TRNAU1AP: variants seen among roughly 807,000 people sequenced by gnomAD.
TRNAU1AP encodes tRNA selenocysteine 1 associated protein 1, also known as tRNA selenocysteine 1-associated protein 1.
A neutral mutation model predicts 43.3 loss-of-function variants in TRNAU1AP; 33 were observed. The ratio of observed to expected loss-of-function variants is 0.76; its 90% CI spans 0.58 to 1.02. The LOEUF (loss-of-function observed/expected upper bound fraction) is 1.02. Ranked by LOEUF, TRNAU1AP falls within the 50% of genes least tolerant of loss-of-function variation. TRNAU1AP has a pLI of 0.00. For missense variants in TRNAU1AP, 290 were observed against 362.7 expected (o/e 0.80, Z 1.63); for synonymous variants, 143 against 129.1 (o/e 1.11, Z -0.73).
At chr1:28,556,314 A>C (rs941424882) in intron 2 of TRNAU1AP, among the ~76,000 whole-genome samples, 1 of 151,654 alleles carries the variant, frequency 6.6e-6, no homozygotes, top group Admixed American at 6.6e-5. Flanking sequence ...AAATACAAAA[A>C]TTAGCCAGGT....
chr1:28,553,155 T>C lies in TRNAU1AP; in HGVS notation c.27+18T>C. 6.6e-7 allele frequency: 1 copy of C among 1,508,966 alleles called. No homozygotes were observed. Among genetic ancestry groups the C allele is most frequent in the Non-Finnish European group, 8.9e-7 (1 of 1,124,666 alleles). 93.5% of individuals were successfully genotyped at this position (1,508,966 alleles called of 1,614,324 possible). On this transcript the variant is annotated intron_variant, in intron 1 of 8. Coordinates refer to ENST00000373830, the MANE Select transcript of TRNAU1AP (RefSeq NM_017846.5). Reference sequence around the variant, plus strand: ...TGGGCGACGTGAGTGAGGGCAGCCGTCCGGGGTCTGAAGACAAGGAAGCAT... The same window carrying C: ...TGGGCGACGTGAGTGAGGGCAGCCGCCCGGGGTCTGAAGACAAGGAAGCAT...
chr1:28,563,457 T>C (rs928586872), intron 4 of TRNAU1AP, among the ~76,000 whole-genome samples: 1 of 150,956 alleles, frequency 6.6e-6, no homozygotes, highest in African/African-American at 2.4e-5. Context: ...CCGAGGAGGG[T>C]GGATCACCTG....
intron 6 of TRNAU1AP, among the ~76,000 whole-genome samples, chr1:28,570,162 T>A (rs2124210580): frequency 6.6e-6 from 1 of 152,036 alleles, no homozygotes; most frequent in East Asian, 1.9e-4. Flanking sequence ...AGTACAAAAA[T>A]TAGCTGGGCC....
chr1:28,573,090 A>G (rs1244202814), intron 8 of TRNAU1AP, among the ~76,000 whole-genome samples: 2 of 137,622 alleles, frequency 1.5e-5, no homozygotes, highest in East Asian at 4.2e-4. Context: ...ACTGGAATGC[A>G]GTGGCGCAAT....
intron 4 of TRNAU1AP, among the ~76,000 whole-genome samples, chr1:28,564,087 A>T (rs1442593169): frequency 6.6e-6 from 1 of 152,124 alleles, no homozygotes; most frequent in Non-Finnish European, 1.5e-5. Context: ...CAACTTGGCG[A>T]AACCCCGTCT....
rs768373223 is a variant in TRNAU1AP, at chr1:28,571,862, G to C, written c.694-5G>C. On this transcript the variant is annotated splice_polypyrimidine_tract_variant and splice_region_variant and intron_variant, in intron 7 of 8. Transcript: ENST00000373830. ...CCCTAACCCACATCTCTGGTCTCTT[G>C]GCAGACATATGAAGAAGTTGGAGAT... The C allele has an allele frequency of 1.2e-5, 20 of 1,609,634 alleles. No individual in the cohort carries two copies. The highest frequency in any genetic ancestry group is 1.7e-4 in the Middle Eastern group (1 of 6,052).
intron 1 of TRNAU1AP, chr1:28,553,417 G>T: frequency 1.6e-6 from 1 of 621,920 alleles, no homozygotes. Context: ...CGCTGTTCTG[G>T]GACCGGAGGA....
chr1:28,555,271 TCTA>T (rs1665233402), intron 2 of TRNAU1AP, among the ~76,000 whole-genome samples: 1 of 152,118 alleles, frequency 6.6e-6, no homozygotes, highest in Non-Finnish European at 1.5e-5. Flanking sequence ...ACTACTGTGT[TCTA>T]CTGTTATACA....
chr1:28,560,812 CTTATT>C (rs1408721348), intron 3 of TRNAU1AP, 80 bp downstream of exon 3: 14 of 1,192,192 alleles, frequency 1.2e-5, no homozygotes, highest in African/African-American at 3.1e-5. Flanking sequence ...CTACTGTATA[CTTATT>C]TTATTTAATC....
intron 2 of TRNAU1AP, among the ~76,000 whole-genome samples, chr1:28,560,080 T>C (rs1277259569): frequency 6.6e-6 from 1 of 152,078 alleles, no homozygotes; most frequent in Admixed American, 6.6e-5. Flanking sequence ...TATAGTGAGC[T>C]GAGATCGAGA....
chr1:28,561,325 T>C, intron 3 of TRNAU1AP, 21 bp from the exon 4 acceptor site: 1 of 1,614,014 alleles, frequency 6.2e-7, no homozygotes, highest in Non-Finnish European at 8.5e-7. Flanking sequence ...TGTTTTAGTT[T>C]GTTTGTTTTT....
intron 2 of TRNAU1AP, among the ~76,000 whole-genome samples, chr1:28,554,785 AGT>A (rs901641385): frequency 2.2e-4 from 33 of 151,128 alleles, no homozygotes; most frequent in African/African-American, 7.5e-4. Flanking sequence ...CGGAGCTTGC[AGT>A]GAGCCGAGAT....
At chr1:28,572,387 G>T (rs1323218822) in intron 8 of TRNAU1AP, among the ~76,000 whole-genome samples, 1 of 151,536 alleles carries the variant, frequency 6.6e-6, no homozygotes, top group Non-Finnish European at 1.5e-5. Flanking sequence ...GTAGAGACAG[G>T]GTTTCTCCAT....
At chr1:28,571,115 A>C in intron 6 of TRNAU1AP, 61 bp from the exon 7 acceptor site, 1 of 1,525,058 alleles carries the variant, frequency 6.6e-7, no homozygotes, top group South Asian at 1.1e-5. Flanking sequence ...GTCTGTGGCC[A>C]CATAGGCAGT....
chr1:28,564,664 T>A, intron 4 of TRNAU1AP, 39 bp from the exon 5 acceptor site: 1 of 1,594,024 alleles, frequency 6.3e-7, no homozygotes, highest in Non-Finnish European at 8.5e-7. Flanking sequence ...GCAGAGGTTT[T>A]GGTCTTTGCC....
In TRNAU1AP at chr1:28,571,913, A is replaced by T; in HGVS notation, c.727+13A>T. Reference sequence around the variant, plus strand: ...GATGCATTGGAAGGTAAGGGTTCATACGTTCCTTACTCTGTCAGCCATTAT... The same window carrying T: ...GATGCATTGGAAGGTAAGGGTTCATTCGTTCCTTACTCTGTCAGCCATTAT... On this transcript the variant is annotated intron_variant, in intron 8 of 8. Coordinates refer to ENST00000373830, the MANE Select transcript of TRNAU1AP (RefSeq NM_017846.5). 1.2e-6 allele frequency: 2 copies of T among 1,611,088 alleles called. No individual in the cohort carries two copies. The highest frequency in any genetic ancestry group is 1.7e-6 in the Non-Finnish European group (2 of 1,177,296).
chr1:28,572,443 G>A (rs182155293), intron 8 of TRNAU1AP, among the ~76,000 whole-genome samples: 64 of 151,994 alleles, frequency 4.2e-4, no homozygotes, highest in African/African-American at 1.4e-3. Context: ...TGATCCGCCC[G>A]CCTCAGCCTC....
At chr1:28,553,313 T>A in intron 1 of TRNAU1AP, 176 bp downstream of exon 1, 1 of 808,122 alleles carries the variant, frequency 1.2e-6, no homozygotes, top group Non-Finnish European at 1.9e-6. Context: ...GCTGAGTCCG[T>A]GAGGCTAGGG....
Position 28,556,509 on chromosome 1 carries a change from C to CT in TRNAU1AP, c.125+2790dup, listed in dbSNP as rs1158772133. On this transcript the variant is annotated intron_variant, in intron 2 of 8. Transcript: ENST00000373830. Reference sequence around the variant, plus strand: ...CTGGCATAGATTCTCACATTTTAATCTTTTTTTTTTTTTTTTTTCTGAGGC... The same window carrying CT: ...CTGGCATAGATTCTCACATTTTAATCTTTTTTTTTTTTTTTTTTTCTGAGGC... Among the ~76,000 whole-genome samples the CT allele has an allele frequency of 5.2e-3, 680 of 129,866 alleles. 2 individuals are homozygous for CT. The highest frequency in any genetic ancestry group is 0.027 in the South Asian group (103 of 3,844). The allele number at this position is 129,866 out of a possible 152,430, so 85.2% of individuals were successfully genotyped here.
Sources: gnomAD v4.1 joint callset for allele counts (sites outside exome capture counted in the v4.1 genomes callset) on GRCh38, gnomAD v4.1.1 for gene constraint, MANE v1.5 for transcripts, NCBI Gene and HGNC (gene_info 2026-07-23, HGNC 2026-07-21) for gene names.